Variants in NPIPB11 observed in about 807,000 individuals in gnomAD.
NPIPB11 encodes the protein nuclear pore complex-interacting protein family member B11.
In NPIPB11, 17 loss-of-function variants were observed where a neutral mutation model predicts 32.8. That is an observed-to-expected ratio of 0.52 (90% confidence interval 0.35 to 0.78). The LOEUF (loss-of-function observed/expected upper bound fraction) is 0.78. Among genes scored for constraint, NPIPB11 ranks in the 30% least tolerant of loss-of-function variants. The pLI is 0.01. For synonymous variants in NPIPB11, 209 were observed against 398.4 expected, an observed-to-expected ratio of 0.52 and a Z score of 5.66; for missense variants, 537 against 1,000.4, an observed-to-expected ratio of 0.54 and a Z score of 6.25.
intron 5 of NPIPB11, among the ~76,000 whole-genome samples, chr16:29,389,323 T>C (rs1226131529): frequency 7.7e-6 from 1 of 129,340 alleles, no homozygotes; most frequent in Non-Finnish European, 1.6e-5. Context: ...GACTGCACCA[T>C]AGCACTCCAG....
At chr16:29,392,106 T>C (rs1375407280) in intron 3 of NPIPB11, among the ~76,000 whole-genome samples, 1 of 151,688 alleles carries the variant, frequency 6.6e-6, no homozygotes, top group African/African-American at 2.4e-5. Context: ...TACTAGGATT[T>C]CGAGAGAAGC....
intron 5 of NPIPB11, among the ~76,000 whole-genome samples, chr16:29,389,242 G>C (rs1412491305): frequency 6.7e-6 from 1 of 149,120 alleles, no homozygotes; most frequent in Non-Finnish European, 1.5e-5. Context: ...GCACACAGCT[G>C]TAATCCAAGC....
At chr16:29,394,047 A>G in exon 3 of NPIPB11, 1 of 1,599,376 alleles carries the variant, frequency 6.3e-7, no homozygotes, top group Non-Finnish European at 8.5e-7. Context: ...CAGTCCCACG[A>G]TGATGATGGT....
chr16:29,399,817 G>A (rs1314935182), intron 2 of NPIPB11, among the ~76,000 whole-genome samples: 5 of 152,066 alleles, frequency 3.3e-5, no homozygotes, highest in East Asian at 2.0e-4. Flanking sequence ...GGTGGCTCAC[G>A]CCTGTAATCC....
intron 3 of NPIPB11, among the ~76,000 whole-genome samples, chr16:29,393,572 G>A (rs967023729): frequency 3.3e-5 from 5 of 151,274 alleles, no homozygotes; most frequent in African/African-American, 1.2e-4. Context: ...CATTTCTGCA[G>A]TGAATCTTCA....
At chr16:29,383,268 T>C (rs1186415241) in exon 8 of NPIPB11, 2 of 1,562,218 alleles carry the variant, frequency 1.3e-6, no homozygotes, top group South Asian at 2.3e-5. Flanking sequence ...CTTGAGATTA[T>C]CATCCGCTGA....
intron 2 of NPIPB11, among the ~76,000 whole-genome samples, chr16:29,401,297 C>G (rs1457157700): frequency 6.6e-6 from 1 of 152,128 alleles, no homozygotes. Flanking sequence ...CAGATCAACT[C>G]TCTCAATGTT....
chr16:29,402,376 C>A (rs1273728666), intron 2 of NPIPB11, among the ~76,000 whole-genome samples: 1 of 111,912 alleles, frequency 8.9e-6, no homozygotes, highest in Non-Finnish European at 1.7e-5. Flanking sequence ...TCTTTCATAG[C>A]CAGTGTTTTT....
chr16:29,395,180 G>A (rs112698638), intron 2 of NPIPB11, among the ~76,000 whole-genome samples: 1 of 82,510 alleles, frequency 1.2e-5, no homozygotes, highest in Admixed American at 1.4e-4. Context: ...CTTTTTGTTT[G>A]GAGACAAAGT....
At chr16:29,383,054 C>G (rs563088005) in exon 8 of NPIPB11, 1 of 1,607,956 alleles carries the variant, frequency 6.2e-7, no homozygotes, top group South Asian at 1.1e-5. Context: ...CGCAGATGCT[C>G]AGCAGGTATC....
intron 2 of NPIPB11, among the ~76,000 whole-genome samples, chr16:29,399,621 C>A (rs982097546): frequency 6.6e-6 from 1 of 151,630 alleles, no homozygotes; most frequent in Non-Finnish European, 1.5e-5. Context: ...TAGTTTGAAC[C>A]CAGGAGGCAG....
chr16:29,397,620 A>G (rs1311422022), intron 2 of NPIPB11: 5 of 1,476,498 alleles, frequency 3.4e-6, no homozygotes, highest in Non-Finnish European at 4.6e-6. Flanking sequence ...GAGGAGCCAA[A>G]AGAGCATCCA....
intron 2 of NPIPB11, among the ~76,000 whole-genome samples, chr16:29,394,899 G>T (rs1201170040): frequency 6.7e-6 from 1 of 148,516 alleles, no homozygotes; most frequent in African/African-American, 2.5e-5. Context: ...GTGCCTGACA[G>T]TGCACTCAGC....
At chr16:29,391,705 A>C (rs1367899081) in intron 3 of NPIPB11, among the ~76,000 whole-genome samples, 2 of 152,146 alleles carry the variant, frequency 1.3e-5, no homozygotes, top group East Asian at 3.9e-4. Context: ...ATACCTATGA[A>C]TCTCCTGAGG....
chr16:29,389,697 A>G (rs1163792083), intron 5 of NPIPB11, among the ~76,000 whole-genome samples: 223 of 136,802 alleles, frequency 1.6e-3, no homozygotes, highest in Non-Finnish European at 2.1e-3. Flanking sequence ...AAAAAAAAAA[A>G]AGAGAAAGGA....
At chr16:29,401,716 C>T (rs1323355972) in intron 2 of NPIPB11, among the ~76,000 whole-genome samples, 2 of 152,118 alleles carry the variant, frequency 1.3e-5, no homozygotes, top group African/African-American at 2.4e-5. Flanking sequence ...AGTGTGTCAC[C>T]TCGAGGCAAG....
At chr16:29,397,706 G>A in intron 2 of NPIPB11, 1 of 584,046 alleles carries the variant, frequency 1.7e-6, no homozygotes. Context: ...TTAGGGCAGG[G>A]GGGAGGGAAG....
chr16:29,398,922 T>C (rs560319295), intron 2 of NPIPB11, among the ~76,000 whole-genome samples: 23 of 151,846 alleles, frequency 1.5e-4, no homozygotes, highest in African/African-American at 5.6e-4. Context: ...TCTTACTGCC[T>C]GTGTGTGTGG....
At chr16:29,391,038 G>A (rs1349946507) in intron 3 of NPIPB11, among the ~76,000 whole-genome samples, 2 of 151,090 alleles carry the variant, frequency 1.3e-5, no homozygotes, top group African/African-American at 2.4e-5. Context: ...GGAGGCCGAC[G>A]CGGGTGAATC....
Sources: allele counts gnomAD v4.1 joint callset (sites outside exome capture counted in the v4.1 genomes callset), GRCh38; gene constraint gnomAD v4.1.1; transcripts MANE v1.5; gene names NCBI Gene and HGNC (gene_info 2026-07-23, HGNC 2026-07-21).